GPC5: variants seen among roughly 807,000 people sequenced by gnomAD.
GPC5 encodes glypican 5.
A neutral mutation model predicts 53.9 loss-of-function variants in GPC5; 47 were observed. That is an observed-to-expected ratio of 0.87 (90% CI 0.69 to 1.11). GPC5 has a LOEUF of 1.11. Among genes scored for constraint, GPC5 ranks in the 50% most tolerant of loss-of-function variants. GPC5 has a pLI of 0.00. For missense variants in GPC5, 748 were observed against 713.1 expected, an observed-to-expected ratio of 1.05 and a Z score of -0.56; for synonymous variants, 286 against 263.3, an observed-to-expected ratio of 1.09 and a Z score of -0.84.
chr13:91,940,639 C>A (rs1284657652), intron 6 of GPC5, among the ~76,000 whole-genome samples: 1 of 152,116 alleles, frequency 6.6e-6, no homozygotes, highest in Admixed American at 6.6e-5. Flanking sequence ...CTTTTCTCCA[C>A]AACTTTGCCA....
chr13:91,904,373 C>A (rs1459372143), intron 5 of GPC5, among the ~76,000 whole-genome samples: 1 of 151,414 alleles, frequency 6.6e-6, no homozygotes, highest in East Asian at 1.9e-4. Context: ...ATCACACATG[C>A]CTTCTTAATT....
chr13:91,806,780 T>A (rs1464606292), intron 5 of GPC5, among the ~76,000 whole-genome samples: 1 of 152,104 alleles, frequency 6.6e-6, no homozygotes. Context: ...TGGAAGAGTG[T>A]CATCTAGTTT....
At chr13:92,711,895 T>C (rs1438718208) in intron 7 of GPC5, among the ~76,000 whole-genome samples, 4 of 151,576 alleles carry the variant, frequency 2.6e-5, no homozygotes, top group South Asian at 4.2e-4. Context: ...ATACAACATA[T>C]CAAAATTGTG....
intron 1 of GPC5, among the ~76,000 whole-genome samples, chr13:91,434,992 C>T (rs1442948185): frequency 2.0e-5 from 3 of 151,868 alleles, no homozygotes; most frequent in Non-Finnish European, 4.4e-5. Flanking sequence ...TCTGTTTGTC[C>T]GTTATTGGTG....
intron 3 of GPC5, among the ~76,000 whole-genome samples, chr13:91,707,158 A>G (rs920610747): frequency 6.6e-6 from 1 of 152,098 alleles, no homozygotes; most frequent in Admixed American, 6.6e-5. Context: ...CTCATCAATT[A>G]AAAATTAACC....
intron 7 of GPC5, among the ~76,000 whole-genome samples, chr13:92,235,808 TGTA>T (rs1298521459): frequency 2.0e-5 from 3 of 152,086 alleles, no homozygotes; most frequent in African/African-American, 7.2e-5. Flanking sequence ...CTTTTTCCCT[TGTA>T]GTTATCTTCT....
chr13:92,747,740 T>A (rs1005173994), intron 7 of GPC5, among the ~76,000 whole-genome samples: 11 of 152,184 alleles, frequency 7.2e-5, no homozygotes, highest in African/African-American at 2.2e-4. Context: ...TCTCCCTGAT[T>A]AAATTGATGC....
intron 5 of GPC5, among the ~76,000 whole-genome samples, chr13:91,860,286 A>G (rs1387814243): frequency 6.6e-6 from 1 of 152,092 alleles, no homozygotes; most frequent in African/African-American, 2.4e-5. Flanking sequence ...AGATCAAAAT[A>G]TTTTAGCTTC....
chr13:92,859,014 G>T (rs1241786275), intron 7 of GPC5, among the ~76,000 whole-genome samples: 1 of 152,032 alleles, frequency 6.6e-6, no homozygotes, highest in Non-Finnish European at 1.5e-5. Flanking sequence ...CCAAGGCAGG[G>T]GTATCACTTG....
chr13:91,737,070 C>T (rs1172855860), intron 4 of GPC5, among the ~76,000 whole-genome samples: 1 of 151,342 alleles, frequency 6.6e-6, no homozygotes, highest in African/African-American at 2.5e-5. Context: ...TGCCATTGCA[C>T]TCCAGCCTGG....
intron 7 of GPC5, among the ~76,000 whole-genome samples, chr13:92,771,960 A>G (rs1183940946): frequency 1.3e-5 from 2 of 152,094 alleles, no homozygotes; most frequent in Non-Finnish European, 2.9e-5. Context: ...TTTAACTTCC[A>G]ATTTCCTCAC....
chr13:92,194,181 C>A (rs2042242205), intron 7 of GPC5, among the ~76,000 whole-genome samples: 1 of 152,172 alleles, frequency 6.6e-6, no homozygotes, highest in South Asian at 2.1e-4. Flanking sequence ...TTATTATCCT[C>A]ATTTTACAAC....
At chr13:91,512,617 C>T (rs1885293338) in intron 2 of GPC5, among the ~76,000 whole-genome samples, 1 of 152,160 alleles carries the variant, frequency 6.6e-6, no homozygotes, top group South Asian at 2.1e-4. Context: ...GTGTATAGGC[C>T]CTTAACGCTT....
At chr13:92,793,684 A>C (rs564570744) in intron 7 of GPC5, among the ~76,000 whole-genome samples, 2 of 152,270 alleles carry the variant, frequency 1.3e-5, no homozygotes, top group African/African-American at 4.8e-5. Context: ...AGACACAATA[A>C]AAAATGATAA....
At chr13:92,378,025 A>C (rs971663289) in intron 7 of GPC5, among the ~76,000 whole-genome samples, 6 of 152,016 alleles carry the variant, frequency 3.9e-5, no homozygotes, top group Non-Finnish European at 8.8e-5. Flanking sequence ...CTTTCTCTTT[A>C]CCATATCTTT....
At chr13:91,436,794 G>A (rs1880008045) in intron 1 of GPC5, among the ~76,000 whole-genome samples, 1 of 152,128 alleles carries the variant, frequency 6.6e-6, no homozygotes, top group African/African-American at 2.4e-5. Flanking sequence ...GGGTGTTAAA[G>A]TCTCCCATTA....
chr13:91,981,353 G>A (rs1007955872), intron 6 of GPC5, among the ~76,000 whole-genome samples: 10 of 150,812 alleles, frequency 6.6e-5, no homozygotes, highest in Non-Finnish European at 1.2e-4. Context: ...GCAGTGGCGC[G>A]ATCTCGGCTC....
chr13:92,272,171 A>G (rs962728853), intron 7 of GPC5, among the ~76,000 whole-genome samples: 1 of 152,180 alleles, frequency 6.6e-6, no homozygotes, highest in Non-Finnish European at 1.5e-5. Flanking sequence ...TTCATTTAAA[A>G]TGCAATTTGA....
At chr13:92,661,267 C>G (rs1324508368) in intron 7 of GPC5, among the ~76,000 whole-genome samples, 2 of 151,542 alleles carry the variant, frequency 1.3e-5, no homozygotes, top group South Asian at 2.1e-4. Flanking sequence ...GCACTCTAAC[C>G]TGGGCAACAG....
Sources: allele counts gnomAD v4.1 joint callset (sites outside exome capture counted in the v4.1 genomes callset), GRCh38; gene constraint gnomAD v4.1.1; transcripts MANE v1.5; gene names NCBI Gene and HGNC (gene_info 2026-07-23, HGNC 2026-07-21).